Variants in NME8 observed in about 807,000 individuals in gnomAD.
NME8 encodes the protein NME/NM23 family member 8.
A neutral mutation model predicts 82.3 loss-of-function variants in NME8; 72 were observed. That is an observed-to-expected ratio of 0.87 (90% CI 0.72 to 1.06). The LOEUF (loss-of-function observed/expected upper bound fraction) is 1.06. Among genes scored for constraint, NME8 ranks in the 50% least tolerant of loss-of-function variants. The pLI, the probability that NME8 is intolerant of heterozygous loss-of-function variation, is 0.00. For synonymous variants in NME8, 267 were observed against 228.5 expected (o/e 1.17, Z -1.52); for missense variants, 712 against 685.4 (o/e 1.04, Z -0.43).
chr7:37,858,689 A>G (rs540869088), intron 6 of NME8, among the ~76,000 whole-genome samples: 1 of 152,146 alleles, frequency 6.6e-6, no homozygotes. Flanking sequence ...GGGTAGGTGC[A>G]TGGGAATGAG....
intron 11 of NME8, among the ~76,000 whole-genome samples, chr7:37,876,389 AT>A (rs762946943): frequency 6.6e-6 from 1 of 150,780 alleles, no homozygotes; most frequent in Non-Finnish European, 1.5e-5. Flanking sequence ...TATTTTTCTG[AT>A]TATAATCCAA....
intron 11 of NME8, among the ~76,000 whole-genome samples, chr7:37,873,370 A>AAAAAAAAAAAAAG (rs796807809): frequency 4.1e-5 from 6 of 147,032 alleles, no homozygotes; most frequent in South Asian, 2.2e-4. Context: ...AAAAAAAAAA[A>AAAAAAAAAAAAAG]AAAAGAAAAG....
chr7:37,873,095 G>C (rs1321704336), intron 11 of NME8, among the ~76,000 whole-genome samples: 1 of 152,214 alleles, frequency 6.6e-6, no homozygotes, highest in Non-Finnish European at 1.5e-5. Context: ...AATGAAAATA[G>C]TCTTTTATGG....
At chr7:37,884,906 A>T (rs2131967709) in intron 13 of NME8, among the ~76,000 whole-genome samples, 1 of 152,354 alleles carries the variant, frequency 6.6e-6, no homozygotes, top group South Asian at 2.1e-4. Context: ...GGGAACAATG[A>T]AAGAAACATC....
chr7:37,896,447 G>A (rs144515727), intron 16 of NME8, among the ~76,000 whole-genome samples: 210 of 152,288 alleles, frequency 1.4e-3, no homozygotes, highest in African/African-American at 4.9e-3. Flanking sequence ...TGGCTGAGAT[G>A]ACCAGGCTGT....
intron 7 of NME8, among the ~76,000 whole-genome samples, chr7:37,862,575 G>T (rs1474275073): frequency 6.6e-6 from 1 of 151,908 alleles, no homozygotes; most frequent in Non-Finnish European, 1.5e-5. Context: ...GAACATAAAA[G>T]CTATTTGGAT....
Position 37,897,089 on chromosome 7 carries a change from C to T in NME8, c.1764C>T (p.Asn588=). The change falls in exon 17 of 18, where the codon AAC becomes AAT. Residue 588 remains asparagine (N), a synonymous_variant. Transcript: ENST00000199447. ...GACTCTTTGAGGATCCTGAGGAAAA[C>T]TAAAGTATATACTGTGAAGTACGTA... is the stretch of plus-strand genomic sequence containing the variant. The part of the protein sequence containing the change: ...VNRLFEDPEE[N] 6.3e-7 allele frequency: 1 copy of T among 1,597,482 alleles called. No homozygotes were observed. The highest frequency in any genetic ancestry group is 8.6e-7 in the Non-Finnish European group (1 of 1,164,918).
At chr7:37,849,644 G>T (rs913446349) in intron 2 of NME8, among the ~76,000 whole-genome samples, 1 of 152,150 alleles carries the variant, frequency 6.6e-6, no homozygotes, top group African/African-American at 2.4e-5. Context: ...GCTGAGGTGG[G>T]AGGATCACGG....
At chr7:37,874,006 A>G (rs756089644) in intron 11 of NME8, among the ~76,000 whole-genome samples, 42 of 152,208 alleles carry the variant, frequency 2.8e-4, no homozygotes, top group Admixed American at 2.1e-3. Context: ...CTACTGGAAG[A>G]AAAAGGCTGC....
At chr7:37,882,609 GAGAGAGAA>G (rs1327652003) in intron 12 of NME8, among the ~76,000 whole-genome samples, 1,189 of 54,332 alleles carry the variant, frequency 0.022, 20 homozygotes, top group African/African-American at 0.044. Context: ...GAGAGAGAGA[GAGAGAGAA>G]AGAAAGAAAG....
intron 8 of NME8, 140 bp from the exon 9 acceptor site, chr7:37,864,208 G>A (rs1041446632): frequency 1.9e-6 from 2 of 1,031,818 alleles, no homozygotes; most frequent in Admixed American, 4.6e-5. Context: ...TAGTTGAAAT[G>A]CCGTAGTAAG....
chr7:37,897,606 A>G (rs949442938), intron 17 of NME8, among the ~76,000 whole-genome samples: 20 of 152,148 alleles, frequency 1.3e-4, no homozygotes, highest in African/African-American at 4.3e-4. Flanking sequence ...TTGCATAGGT[A>G]TATGTGTGCC....
chr7:37,882,926 A>G (rs1562838661), intron 12 of NME8, among the ~76,000 whole-genome samples: 1 of 152,218 alleles, frequency 6.6e-6, no homozygotes, highest in Non-Finnish European at 1.5e-5. Flanking sequence ...AGAGTGAAGC[A>G]AAGAAACTCA....
intron 14 of NME8, among the ~76,000 whole-genome samples, chr7:37,887,947 T>C (rs1439572098): frequency 6.6e-6 from 1 of 152,150 alleles, no homozygotes; most frequent in Admixed American, 6.5e-5. Context: ...GTCCTGCCCA[T>C]GATTTGTGGG....
chr7:37,882,996 T>C (rs917574195), intron 12 of NME8, among the ~76,000 whole-genome samples: 6 of 152,198 alleles, frequency 3.9e-5, no homozygotes, highest in African/African-American at 1.4e-4. Context: ...CGTTGGACGG[T>C]GAGGACCCTC....
At chr7:37,851,329 A>G (rs531301065) in intron 5 of NME8, among the ~76,000 whole-genome samples, 2 of 152,308 alleles carry the variant, frequency 1.3e-5, no homozygotes, top group South Asian at 4.1e-4. Flanking sequence ...GAGGAGCTCA[A>G]TTTTTAATTT....
chr7:37,856,397 C>A (rs1260287141), intron 5 of NME8, among the ~76,000 whole-genome samples: 1 of 152,136 alleles, frequency 6.6e-6, no homozygotes, highest in Non-Finnish European at 1.5e-5. Context: ...TCACTTCTGG[C>A]ACCCAGACTG....
At position 37,858,461 on chromosome 7, in the gene NME8, T is replaced by TTTG. The variant is rs374868199; in HGVS notation, c.270+1131_270+1133dup. Among the ~76,000 whole-genome samples, 6 of 152,226 alleles carry TTTG rather than the reference T, an allele frequency of 3.9e-5. No individual in the cohort carries two copies. The East Asian group carries it at 5.8e-4, about 15-fold the overall frequency. ...AGGTGAGGGGTCAGCTAACGTTGTTTTTGTTGTTGTTGTTGTTTTGTTTTG... is the reference window on the plus strand; with the variant it reads ...AGGTGAGGGGTCAGCTAACGTTGTTTTTGTTGTTGTTGTTGTTGTTTTGTTTTG... On this transcript the variant is annotated intron_variant, in intron 6 of 17. Coordinates refer to ENST00000199447, the MANE Select transcript of NME8 (RefSeq NM_016616.5).
At chr7:37,891,609 AT>A (rs1265898099) in intron 15 of NME8, among the ~76,000 whole-genome samples, 15 of 151,760 alleles carry the variant, frequency 9.9e-5, no homozygotes, top group Admixed American at 9.2e-4. Flanking sequence ...TCTGTAAGCC[AT>A]TTTTATTGCA....
Sources: gnomAD v4.1 joint callset for allele counts (sites outside exome capture counted in the v4.1 genomes callset) on GRCh38, gnomAD v4.1.1 for gene constraint, MANE v1.5 for transcripts, NCBI Gene and HGNC (gene_info 2026-07-23, HGNC 2026-07-21) for gene names.